CDH7: variants seen among roughly 807,000 people sequenced by gnomAD.
The protein encoded by CDH7 is cadherin 7.
A neutral mutation model predicts 71.8 loss-of-function variants in CDH7; 25 were observed. The observed-to-expected ratio is 0.35, with a 90% CI of 0.25 to 0.49. The LOEUF (loss-of-function observed/expected upper bound fraction) is 0.49, where lower values mean the gene tolerates loss of function less well. CDH7 is among the 20% of genes least tolerant of loss of function. The pLI is 0.99. For synonymous variants in CDH7, 381 were observed against 363.8 expected (o/e 1.05, Z -0.54); for missense variants, 862 against 974.6 (o/e 0.88, Z 1.54).
At chr18:65,880,275 G>C (rs894602415) in intron 11 of CDH7, 126 bp from the exon 12 acceptor site, 1 of 926,002 alleles carries the variant, frequency 1.1e-6, no homozygotes, top group African/African-American at 1.7e-5. Context: ...GTGGAAGTAG[G>C]TGGCCAATTC....
chr18:65,852,722 G>C (rs569687368), intron 7 of CDH7, among the ~76,000 whole-genome samples: 4 of 152,176 alleles, frequency 2.6e-5, no homozygotes, highest in Admixed American at 2.0e-4. Flanking sequence ...TTTTCAGAGG[G>C]ACATATGGCT....
At chr18:65,802,593 A>G (rs1376155435) in intron 2 of CDH7, among the ~76,000 whole-genome samples, 1 of 152,186 alleles carries the variant, frequency 6.6e-6, no homozygotes, top group African/African-American at 2.4e-5. Context: ...GGCCTATTTC[A>G]TGGAGTTTAC....
At chr18:65,765,358 T>C (rs1916322860) in intron 2 of CDH7, among the ~76,000 whole-genome samples, 1 of 152,034 alleles carries the variant, frequency 6.6e-6, no homozygotes, top group African/African-American at 2.4e-5. Context: ...ATGATTCTTT[T>C]TATTAATAAT....
At chr18:65,754,072 T>G (rs1174499389) in intron 1 of CDH7, among the ~76,000 whole-genome samples, 1 of 152,198 alleles carries the variant, frequency 6.6e-6, no homozygotes, top group Non-Finnish European at 1.5e-5. Flanking sequence ...TCTCTGAATA[T>G]AATTTTACCA....
chr18:65,869,995 A>C (rs934875670), intron 11 of CDH7, among the ~76,000 whole-genome samples: 1 of 152,298 alleles, frequency 6.6e-6, no homozygotes, highest in Non-Finnish European at 1.5e-5. Flanking sequence ...TTAACTCTAC[A>C]GAAAAATTGA....
rs1169720185 is a variant in CDH7, at chr18:65,890,304, C to A, written c.*9410C>A. On this transcript the variant is annotated 3_prime_UTR_variant, in exon 12 of 12. Transcript: ENST00000397968. Reference sequence around the variant, plus strand: ...ACACCTATGAAAAGTGATCAGGATGCCCAAGCAATTTTAATTAAAATCAGA... The same window carrying A: ...ACACCTATGAAAAGTGATCAGGATGACCAAGCAATTTTAATTAAAATCAGA... 6.6e-6 allele frequency: 1 copy of A among 152,132 alleles called. No homozygotes were observed. The allele number at this position is 152,132 out of a possible 1,614,324, so 9.4% of individuals were successfully genotyped here.
At chr18:65,870,122 G>A (rs747295991) in intron 11 of CDH7, among the ~76,000 whole-genome samples, 7 of 152,158 alleles carry the variant, frequency 4.6e-5, no homozygotes, top group Non-Finnish European at 1.0e-4. Context: ...AGAAAATATT[G>A]CAGAAGAGAT....
intron 2 of CDH7, among the ~76,000 whole-genome samples, chr18:65,804,604 T>C (rs1020593193): frequency 1.2e-4 from 18 of 152,104 alleles, no homozygotes; most frequent in African/African-American, 4.3e-4. Flanking sequence ...CTACAATCTT[T>C]AATTTAAAAA....
At chr18:65,869,221 G>A (rs1913853710) in intron 11 of CDH7, among the ~76,000 whole-genome samples, 1 of 67,040 alleles carries the variant, frequency 1.5e-5, no homozygotes, top group Non-Finnish European at 3.1e-5. Context: ...TTTTGTCCAG[G>A]GTCTTTTTTT....
At position 65,888,763 on chromosome 18, in the gene CDH7, A is replaced by ACT. The variant is rs1555692906; in HGVS notation, c.*7871_*7872dup. 1 of 151,030 alleles carries ACT rather than the reference A, an allele frequency of 6.6e-6. No homozygotes were observed. The highest frequency in any genetic ancestry group is 1.5e-5 in the Non-Finnish European group (1 of 67,736). The allele number at this position is 151,030 out of a possible 1,614,324, so 9.4% of individuals were successfully genotyped here. ...TGCAAACACACACACACACACACAC[A>ACT]CTCACACACACACGAAGTAAATGGT... On this transcript the variant is annotated 3_prime_UTR_variant, in exon 12 of 12. Coordinates refer to ENST00000397968, the MANE Select transcript of CDH7 (RefSeq NM_004361.5).
At chr18:65,855,220 G>T (rs577196741) in intron 7 of CDH7, among the ~76,000 whole-genome samples, 48 of 151,392 alleles carry the variant, frequency 3.2e-4, no homozygotes, top group African/African-American at 1.0e-3. Context: ...GCAAGGTGAA[G>T]AAATAAAACA....
At chr18:65,781,818 C>CTTT (rs1568181488) in intron 2 of CDH7, among the ~76,000 whole-genome samples, 493 of 84,976 alleles carry the variant, frequency 5.8e-3, no homozygotes, top group South Asian at 0.011. Context: ...TTCCTTCCTT[C>CTTT]CTTCTTTCTT....
In CDH7 at chr18:65,886,497, G is replaced by A. The variant is rs1168606583; in HGVS notation, c.*5603G>A. ...AATTAATGATATCCATATGTGAATG[G>A]GATTATAAATAAAGAACAAATCTTT... is the stretch of plus-strand genomic sequence containing the variant. On this transcript the variant is annotated 3_prime_UTR_variant, in exon 12 of 12. Coordinates refer to ENST00000397968, the MANE Select transcript of CDH7 (RefSeq NM_004361.5). The A allele has an allele frequency of 6.6e-6, 1 of 151,848 alleles. No individual in the cohort carries two copies. The highest frequency in any genetic ancestry group is 1.5e-5 in the Non-Finnish European group (1 of 67,964). 9.4% of individuals were successfully genotyped at this position (151,848 alleles called of 1,614,324 possible).
intron 2 of CDH7, among the ~76,000 whole-genome samples, chr18:65,774,294 T>C (rs1916634202): frequency 6.6e-6 from 1 of 151,994 alleles, no homozygotes; most frequent in African/African-American, 2.4e-5. Flanking sequence ...AACTAGTGAA[T>C]ACCTTGAAGG....
At position 65,880,667 on chromosome 18, in the gene CDH7, A is replaced by G. The variant is rs140062120; in HGVS notation, c.2131A>G (p.Ile711Val). 2 of 1,613,850 alleles carry G rather than the reference A, an allele frequency of 1.2e-6. No individual in the cohort carries two copies. Among genetic ancestry groups the G allele is most frequent in the Non-Finnish European group, 8.5e-7 (1 of 1,180,016 alleles). The change falls in exon 12 of 12, where the codon ATT (isoleucine) becomes GTT (valine). Residue 711 changes from isoleucine (I) to valine (V), a missense_variant. Physicochemically the swap from Ile to Val is conservative, Grantham distance 29. Transcript: ENST00000397968. ...IPDNVIFREF[I>V]WERLKEADVD... is the part of the protein sequence containing the mutation. Reference sequence around the variant, plus strand: ...AGATAATGTCATCTTTAGGGAATTTATTTGGGAAAGATTAAAAGAAGCCGA... The same window carrying G: ...AGATAATGTCATCTTTAGGGAATTTGTTTGGGAAAGATTAAAAGAAGCCGA...
rs1188323967 is a variant in CDH7, at chr18:65,885,939, C to T, written c.*5045C>T. The T allele has an allele frequency of 6.6e-6, 1 of 152,108 alleles. No individual in the cohort carries two copies. Among genetic ancestry groups the T allele is most frequent in the Non-Finnish European group, 1.5e-5 (1 of 68,014 alleles). 9.4% of individuals were successfully genotyped at this position (152,108 alleles called of 1,614,324 possible). A position where few individuals can be genotyped will look rare whatever the true frequency, so the allele number is the denominator to read the frequency against. ...TGTGTAATTGTCACATATTATTGTG[C>T]AGATTTAATCTCATTGTTAACAGAA... On this transcript the variant is annotated 3_prime_UTR_variant, in exon 12 of 12. Coordinates refer to ENST00000397968, the MANE Select transcript of CDH7 (RefSeq NM_004361.5).
chr18:65,821,851 C>A (rs529852369), intron 4 of CDH7, among the ~76,000 whole-genome samples: 1 of 152,134 alleles, frequency 6.6e-6, no homozygotes, highest in South Asian at 2.1e-4. Context: ...TAAAGATAAT[C>A]CTCTTTATTC....
At chr18:65,803,678 G>A (rs575292533) in intron 2 of CDH7, 2 of 151,856 alleles carry the variant, frequency 1.3e-5, no homozygotes, top group Admixed American at 6.6e-5. Flanking sequence ...TAGAAAACTT[G>A]TTTATAATAT....
In CDH7 at chr18:65,888,231, T is replaced by C. The variant is rs985044894; in HGVS notation, c.*7337T>C. 11 of 152,158 alleles carry C rather than the reference T, an allele frequency of 7.2e-5. No homozygotes were observed. The highest frequency in any genetic ancestry group is 2.7e-4 in the African/African-American group (11 of 41,446). The allele number at this position is 152,158 out of a possible 1,614,324, so 9.4% of individuals were successfully genotyped here. On this transcript the variant is annotated 3_prime_UTR_variant, in exon 12 of 12. Transcript: ENST00000397968. ...TTCAGAACTAACCAGCGAAGAGATG[T>C]ATACAAAGTGTACTCTGAATTGGAA...
Sources: allele counts gnomAD v4.1 joint callset (sites outside exome capture counted in the v4.1 genomes callset), GRCh38; gene constraint gnomAD v4.1.1; transcripts MANE v1.5; gene names NCBI Gene and HGNC (gene_info 2026-07-23, HGNC 2026-07-21).